Variants in PPP1R3C observed in about 807,000 individuals in gnomAD.
PPP1R3C encodes the protein protein phosphatase 1 regulatory subunit 3C, also known as PP1 subunit R5.
In PPP1R3C, 20 loss-of-function variants were observed where a neutral mutation model predicts 29.3. The observed-to-expected ratio is 0.68, with a 90% CI of 0.48 to 0.99. PPP1R3C has a LOEUF of 0.99. Ranked by LOEUF, PPP1R3C falls within the 50% of genes least tolerant of loss-of-function variation. The pLI is 0.00. For missense variants in PPP1R3C, 321 were observed against 386.0 expected (o/e 0.83, Z 1.41); for synonymous variants, 123 against 143.1 (o/e 0.86, Z 1.00).
intron 1 of PPP1R3C, among the ~76,000 whole-genome samples, chr10:91,631,772 C>T (rs898344185): frequency 3.9e-5 from 6 of 152,180 alleles, no homozygotes; most frequent in Non-Finnish European, 8.8e-5. Context: ...TTAAAATATA[C>T]ATTTTATATA....
chr10:91,630,166 G>T lies in PPP1R3C; in HGVS notation c.715C>A (p.His239Asn), dbSNP rs374238734. 7.4e-6 allele frequency: 12 copies of T among 1,614,052 alleles called. No individual in the cohort carries two copies. The highest frequency in any genetic ancestry group is 1.0e-5 in the Non-Finnish European group (12 of 1,180,048). ...EQKIEFCISY[H>N]ANGQVFWDNN... ...TCCCAAAAGACTTGCCCATTAGCAT[G>T]GTAAGAAATGCAGAACTCAATTTTC... Residue 239 changes from histidine to asparagine, a missense_variant, in exon 2 of 2, where the codon CAT (histidine) becomes AAT (asparagine). Coordinates refer to ENST00000238994, the MANE Select transcript of PPP1R3C (RefSeq NM_005398.7). The surrounding 1 kb of genome is among the most constrained non-coding windows in gnomAD (Gnocchi z 4.4).
intron 1 of PPP1R3C, among the ~76,000 whole-genome samples, chr10:91,631,563 G>A (rs1262639560): frequency 6.6e-6 from 1 of 151,840 alleles, no homozygotes. Context: ...TTTTGAGAGT[G>A]AGAAGGCTAG....
intron 1 of PPP1R3C, 49 bp downstream of exon 1, chr10:91,632,907 G>A: frequency 6.3e-7 from 1 of 1,595,268 alleles, no homozygotes; most frequent in Non-Finnish European, 8.5e-7. Context: ...CTTCCCCACA[G>A]CTGCGCGTTC....
chr10:91,631,277 T>G (rs773743528), intron 1 of PPP1R3C, among the ~76,000 whole-genome samples: 17 of 152,184 alleles, frequency 1.1e-4, no homozygotes, highest in Non-Finnish European at 2.4e-4. Flanking sequence ...CCTTCCCTCC[T>G]TCCTTCCTTT....
Position 91,629,977 on chromosome 10 carries a change from G to C in PPP1R3C, c.904C>G (p.Pro302Ala). 1 of 1,614,180 alleles carries C rather than the reference G, an allele frequency of 6.2e-7. No individual in the cohort carries two copies. Among genetic ancestry groups the C allele is most frequent in the East Asian group, 2.2e-5 (1 of 44,878 alleles). Residue 302 changes from proline to alanine, a missense_variant, in exon 2 of 2, where the codon CCA becomes GCA. Pro to Ala is a conservative substitution (Grantham distance 27). Transcript: ENST00000238994. ...GSPRLASGLF[P>A]EWQSWGRMEN... ...ATTCTCCCCCAGCTCTGCCACTCTG[G>C]GAAGAGCCCACTAGCCAGCCTCGGA...
Position 91,629,918 on chromosome 10 carries a change from T to C in PPP1R3C, c.*9A>G. 2 of 1,613,898 alleles carry C rather than the reference T, an allele frequency of 1.2e-6. No homozygotes were observed. The highest frequency in any genetic ancestry group is 2.2e-5 in the South Asian group (2 of 91,076). ...TGACAAGTCAAGACCAGTTACATTG[T>C]TGCTTAATTCATCGATAAGAGGCCA... On this transcript the variant is annotated 3_prime_UTR_variant, in exon 2 of 2. Transcript: ENST00000238994.
In PPP1R3C at chr10:91,633,059, G is replaced by T; in HGVS notation, c.-90C>A. 1 of 1,541,362 alleles carries T rather than the reference G, an allele frequency of 6.5e-7. No homozygotes were observed. The highest frequency in any genetic ancestry group is 8.8e-7 in the Non-Finnish European group (1 of 1,133,954). On this transcript the variant is annotated 5_prime_UTR_variant, in exon 1 of 2. Transcript: ENST00000238994. ...TCCAGGCCTTGCCCCCGCGGCGGTC[G>T]CTGGGAGAGACTGAGGGCCCGGCGC...
chr10:91,631,428 G>A (rs1848716910), intron 1 of PPP1R3C, among the ~76,000 whole-genome samples: 1 of 152,020 alleles, frequency 6.6e-6, no homozygotes, highest in South Asian at 2.1e-4. Context: ...GACCAGACAG[G>A]TTCAGGAGCC....
At chr10:91,631,012 A>G in intron 1 of PPP1R3C, 146 bp from the exon 2 acceptor site, 1 of 763,440 alleles carries the variant, frequency 1.3e-6, no homozygotes, top group African/African-American at 1.7e-5. Context: ...AGTAAAAGAG[A>G]ACAGTATTAA....
chr10:91,628,818 A>G lies in PPP1R3C; in HGVS notation c.*1109T>C, dbSNP rs1224046152. 1 of 152,614 alleles carries G rather than the reference A, an allele frequency of 6.6e-6. No individual in the cohort carries two copies. Among genetic ancestry groups the G allele is most frequent in the Non-Finnish European group, 1.5e-5 (1 of 68,040 alleles). 9.5% of individuals were successfully genotyped at this position (152,614 alleles called of 1,614,324 possible). A position where few individuals can be genotyped will look rare whatever the true frequency, so the allele number is the denominator to read the frequency against. On this transcript the variant is annotated 3_prime_UTR_variant, in exon 2 of 2. Coordinates refer to ENST00000238994, the MANE Select transcript of PPP1R3C (RefSeq NM_005398.7). ...AGGCAAGGGATGGGTTGCTACTTCTATGTGCAAGGTACTGGATTCTTGCAT... is the reference window on the plus strand; with the variant it reads ...AGGCAAGGGATGGGTTGCTACTTCTGTGTGCAAGGTACTGGATTCTTGCAT...
chr10:91,633,043 TGCC>T lies in PPP1R3C; in HGVS notation c.-77_-75del. The T allele has an allele frequency of 6.4e-7, 1 of 1,573,496 alleles. No homozygotes were observed. Among genetic ancestry groups the T allele is most frequent in the Non-Finnish European group, 8.6e-7 (1 of 1,156,856 alleles). On this transcript the variant is annotated 5_prime_UTR_variant, in exon 1 of 2. Transcript: ENST00000238994. ...AAATTCGAACCACAGCTCCAGGCCT[TGCC>T]CCCGCGGCGGTCGCTGGGAGAGACT...
intron 1 of PPP1R3C, among the ~76,000 whole-genome samples, chr10:91,631,073 T>C (rs2133484261): frequency 6.6e-6 from 1 of 152,348 alleles, no homozygotes; most frequent in African/African-American, 2.4e-5. Flanking sequence ...TAAAGGCTAT[T>C]AATTGCTTAA....
chr10:91,632,851 C>G lies in PPP1R3C; in HGVS notation c.14+105G>C, dbSNP rs544712508. ...CGCAGTCAGTCCACTTGTCCTCCCC[C>G]TGGGGTGTCCATTTCCAGAGATGAT... On this transcript the variant is annotated intron_variant, in intron 1 of 1. Coordinates refer to ENST00000238994, the MANE Select transcript of PPP1R3C (RefSeq NM_005398.7). 385 of 1,494,076 alleles carry G rather than the reference C, an allele frequency of 2.6e-4. 6 individuals are homozygous for G. The South Asian group carries it at 4.4e-3, about 17-fold the overall frequency. The allele number at this position is 1,494,076 out of a possible 1,614,324, so 92.6% of individuals were successfully genotyped here.
rs1848678611 is a variant in PPP1R3C at position 91,628,447 on chromosome 10, T to A, written c.*1480A>T. 6.6e-6 allele frequency: 1 copy of A among 152,196 alleles called. No homozygotes were observed. Among genetic ancestry groups the A allele is most frequent in the Admixed American group, 6.5e-5 (1 of 15,282 alleles). 9.4% of individuals were successfully genotyped at this position (152,196 alleles called of 1,614,324 possible). On this transcript the variant is annotated 3_prime_UTR_variant, in exon 2 of 2. Transcript: ENST00000238994. ...AAAGAAAATATACTCAGGCCTTATATCAAACACATTTATTCTTAAAGTGAG... is the reference window on the plus strand; with the variant it reads ...AAAGAAAATATACTCAGGCCTTATAACAAACACATTTATTCTTAAAGTGAG...
chr10:91,633,049 C>A lies in PPP1R3C; in HGVS notation c.-80G>T. On this transcript the variant is annotated 5_prime_UTR_variant, in exon 1 of 2. Transcript: ENST00000238994. ...GAACCACAGCTCCAGGCCTTGCCCC[C>A]GCGGCGGTCGCTGGGAGAGACTGAG... The A allele has an allele frequency of 6.4e-7, 1 of 1,560,990 alleles. No individual in the cohort carries two copies. Among genetic ancestry groups the A allele is most frequent in the Non-Finnish European group, 8.7e-7 (1 of 1,149,372 alleles).
rs1294255341 is a variant in PPP1R3C, at chr10:91,632,986, G to C, written c.-17C>G. 1.9e-6 allele frequency: 3 copies of C among 1,611,790 alleles called. No individual in the cohort carries two copies. Among genetic ancestry groups the C allele is most frequent in the Non-Finnish European group, 2.5e-6 (3 of 1,179,130 alleles). On this transcript the variant is annotated 5_prime_UTR_variant, in exon 1 of 2. Transcript: ENST00000238994. ...GCAGCTCATTAGGCAGAGAGGCGGC[G>C]GACCCTAAAAGCCAGCACCCGCTGC...
Position 91,630,798 on chromosome 10 carries a change from AG to A in PPP1R3C, c.82del (p.Leu28PhefsTer9), listed in dbSNP as rs1479378031. Reference sequence around the variant, plus strand: ...CACAGGTGGTGAATGTGCCAAGCAAAGCCTCATGGCCACATCCACGGGCATG... The same window carrying A: ...CACAGGTGGTGAATGTGCCAAGCAAACCTCATGGCCACATCCACGGGCATG... ...SVMPVDVAMR[L>X]CLAHSPPVKS... On this transcript the variant is annotated frameshift_variant, in exon 2 of 2. Coordinates refer to ENST00000238994, the MANE Select transcript of PPP1R3C (RefSeq NM_005398.7). LOFTEE classifies it high-confidence loss of function. This position sits in a 1 kb window ranked among gnomAD's most constrained non-coding sequence, Gnocchi z 4.4. 6.2e-7 allele frequency: 1 copy of A among 1,614,214 alleles called. No homozygotes were observed. Among genetic ancestry groups the A allele is most frequent in the Admixed American group, 1.7e-5 (1 of 60,032 alleles).
Position 91,630,407 on chromosome 10 carries a change from A to G in PPP1R3C, c.474T>C (p.Cys158=), listed in dbSNP as rs1422537791. 1.2e-6 allele frequency: 2 copies of G among 1,614,186 alleles called. No individual in the cohort carries two copies. The highest frequency in any genetic ancestry group is 4.5e-5 in the East Asian group (2 of 44,888). ...FRSHFQKNFV[C]LENCSLQERT... ...GCTCTTGCAACGAGCAGTTCTCCAGACAGACAAAGTTCTTCTGAAAGTGGC... is the reference window on the plus strand; with the variant it reads ...GCTCTTGCAACGAGCAGTTCTCCAGGCAGACAAAGTTCTTCTGAAAGTGGC... The change falls in exon 2 of 2, where the codon TGT becomes TGC. Residue 158 remains cysteine, a synonymous_variant. Transcript: ENST00000238994. This position sits in a 1 kb window ranked among gnomAD's most constrained non-coding sequence, Gnocchi z 4.4.
chr10:91,633,040 C>T lies in PPP1R3C; in HGVS notation c.-71G>A, dbSNP rs181891733. 34 of 1,580,270 alleles carry T rather than the reference C, an allele frequency of 2.2e-5. No homozygotes were observed. The highest frequency in any genetic ancestry group is 1.8e-4 in the East Asian group (8 of 43,450). On this transcript the variant is annotated 5_prime_UTR_variant, in exon 1 of 2. Coordinates refer to ENST00000238994, the MANE Select transcript of PPP1R3C (RefSeq NM_005398.7). ...CACAAATTCGAACCACAGCTCCAGG[C>T]CTTGCCCCCGCGGCGGTCGCTGGGA... is the stretch of plus-strand genomic sequence containing the variant.
Sources: allele counts gnomAD v4.1 joint callset (sites outside exome capture counted in the v4.1 genomes callset), GRCh38; gene constraint gnomAD v4.1.1; non-coding constraint Gnocchi (gnomAD v3.1); transcripts MANE v1.5; gene names NCBI Gene and HGNC (gene_info 2026-07-23, HGNC 2026-07-21).